The following TASOR variants were observed in gnomAD, a reference collection of about 807,000 sequenced individuals.
TASOR encodes the protein protein TASOR.
TASOR carries 53 observed loss-of-function variants against 178.6 expected under a neutral mutation model. The ratio of observed to expected loss-of-function variants is 0.30; its 90% CI spans 0.24 to 0.37. TASOR has a LOEUF of 0.37. TASOR is among the 10% of genes least tolerant of loss of function. TASOR has a pLI of 1.00. For synonymous variants in TASOR, 713 were observed against 696.2 expected, an observed-to-expected ratio of 1.02 and a Z score of -0.38; for missense variants, 1,815 against 1,971.4, an observed-to-expected ratio of 0.92 and a Z score of 1.50.
intron 14 of TASOR, among the ~76,000 whole-genome samples, chr3:56,645,199 G>A (rs72879362): frequency 1.3e-5 from 2 of 152,208 alleles, no homozygotes; most frequent in Non-Finnish European, 2.9e-5. Flanking sequence ...TTTTGAACCA[G>A]GTAGGCAGAG....
intron 1 of TASOR, among the ~76,000 whole-genome samples, chr3:56,675,603 TA>T (rs1204455015): frequency 1.3e-5 from 2 of 152,208 alleles, no homozygotes; most frequent in East Asian, 3.8e-4. Context: ...TAAAAGTCTA[TA>T]CATATATATA....
Position 56,663,488 on chromosome 3 carries a change from T to C in TASOR, c.1054+53A>G, listed in dbSNP as rs572997321. Reference sequence around the variant, plus strand: ...TAATACAAAGCACTTAATCTTTTGCTATATGTACTTATTCTTTCCATTTAT... The same window carrying C: ...TAATACAAAGCACTTAATCTTTTGCCATATGTACTTATTCTTTCCATTTAT... On this transcript the variant is annotated intron_variant, in intron 8 of 23. Transcript: ENST00000683822. The C allele has an allele frequency of 1.9e-5, 18 of 928,590 alleles. No homozygotes were observed. The African/African-American group carries it at 2.7e-4, about 14-fold the overall frequency. The allele number at this position is 928,590 out of a possible 1,614,324, so 57.5% of individuals were successfully genotyped here. A position where few individuals can be genotyped will look rare whatever the true frequency, so the allele number is the denominator to read the frequency against.
intron 3 of TASOR, 48 bp downstream of exon 3, chr3:56,671,552 A>C: frequency 7.4e-7 from 1 of 1,343,806 alleles, no homozygotes. Flanking sequence ...TTAGTAACTT[A>C]CAATGGAAAC....
chr3:56,660,864 C>A, intron 10 of TASOR, 30 bp from the exon 11 acceptor site: 1 of 1,608,882 alleles, frequency 6.2e-7, no homozygotes, highest in Non-Finnish European at 8.5e-7. Context: ...TAGTAAATAT[C>A]CAAATCAAGT....
At chr3:56,638,142 A>G (rs568619761) in intron 17 of TASOR, among the ~76,000 whole-genome samples, 1 of 152,256 alleles carries the variant, frequency 6.6e-6, no homozygotes, top group Non-Finnish European at 1.5e-5. Flanking sequence ...AAGCAGGTGG[A>G]TCACCTGAGG....
At chr3:56,645,590 TAA>T (rs796757117) in intron 14 of TASOR, among the ~76,000 whole-genome samples, 16 of 152,276 alleles carry the variant, frequency 1.1e-4, no homozygotes, top group African/African-American at 3.9e-4. Flanking sequence ...AAAATCTAGA[TAA>T]AAGTGTTTTA....
chr3:56,641,023 A>G (rs1200195156), intron 15 of TASOR, among the ~76,000 whole-genome samples: 2 of 152,180 alleles, frequency 1.3e-5, no homozygotes, highest in African/African-American at 2.4e-5. Flanking sequence ...ATGCTTTAAT[A>G]ATTCAACTTC....
At chr3:56,680,536 T>C (rs1473563551) in intron 1 of TASOR, among the ~76,000 whole-genome samples, 13 of 151,502 alleles carry the variant, frequency 8.6e-5, no homozygotes, top group Admixed American at 7.3e-4. Flanking sequence ...TCTACCATAT[T>C]AAAATATGAA....
chr3:56,635,225 G>A (rs1469689655), intron 17 of TASOR, among the ~76,000 whole-genome samples: 1 of 152,186 alleles, frequency 6.6e-6, no homozygotes. Flanking sequence ...CTATTGCAAA[G>A]GCAATTTGTC....
Position 56,658,986 on chromosome 3 carries a change from G to A in TASOR, c.1368+1745C>T, listed in dbSNP as rs189786521. Among the ~76,000 whole-genome samples the A allele has an allele frequency of 2.1e-3, 319 of 150,168 alleles. 2 individuals carry two copies. Among genetic ancestry groups the A allele is most frequent in the African/African-American group, 7.3e-3 (298 of 40,886 alleles). ...TGTGTGTGTGTGTGTGTGTGCACGC[G>A]TGTGTGTTTTAATTCTAGGACATTT... On this transcript the variant is annotated intron_variant, in intron 11 of 23. Coordinates refer to ENST00000683822, the MANE Select transcript of TASOR (RefSeq NM_001365635.2).
chr3:56,651,876 A>C (rs11130537), intron 11 of TASOR, among the ~76,000 whole-genome samples: 93,797 of 152,112 alleles, frequency 0.62, 31,545 homozygotes, highest in East Asian at 0.96. Flanking sequence ...AACATTTTCA[A>C]GCAAAAATGT....
chr3:56,662,350 T>G (rs1457336996), intron 9 of TASOR, 35 bp downstream of exon 9: 2 of 1,119,032 alleles, frequency 1.8e-6, no homozygotes, highest in South Asian at 1.4e-5. Flanking sequence ...AGTGATAAAA[T>G]TAGCAACCAC....
At chr3:56,657,849 G>A (rs1186719936) in intron 11 of TASOR, among the ~76,000 whole-genome samples, 1 of 152,172 alleles carries the variant, frequency 6.6e-6, no homozygotes, top group Non-Finnish European at 1.5e-5. Flanking sequence ...AGGATAGCAG[G>A]GAATAGCTGC....
intron 2 of TASOR, among the ~76,000 whole-genome samples, chr3:56,673,304 T>C (rs2030919608): frequency 6.6e-6 from 1 of 151,878 alleles, no homozygotes; most frequent in Non-Finnish European, 1.5e-5. Context: ...CAGTGGCACA[T>C]GACTGTAATC....
Position 56,620,501 on chromosome 3 carries a change from C to T in TASOR, c.*2536G>A, listed in dbSNP as rs1393341061. ...TTTGATTCACTATATACTCTCTGTA[C>T]TTGAGGAAGAGTAAGCTGTGTTTAA... On this transcript the variant is annotated 3_prime_UTR_variant, in exon 24 of 24. Coordinates refer to ENST00000683822, the MANE Select transcript of TASOR (RefSeq NM_001365635.2). The T allele has an allele frequency of 1.3e-5, 2 of 152,224 alleles. No homozygotes were observed. Among genetic ancestry groups the T allele is most frequent in the Non-Finnish European group, 2.9e-5 (2 of 68,074 alleles). 9.4% of individuals were successfully genotyped at this position (152,224 alleles called of 1,614,324 possible).
At position 56,632,290 on chromosome 3, in the gene TASOR, G is replaced by A. The variant is rs145481200; in HGVS notation, c.3747+754C>T. 7.1e-3 allele frequency among the ~76,000 whole-genome samples: 1,082 copies of A among 152,010 alleles called. 13 individuals are homozygous for A. Among genetic ancestry groups the A allele is most frequent in the African/African-American group, 0.025 (1,026 of 41,448 alleles). On this transcript the variant is annotated intron_variant, in intron 18 of 23. Transcript: ENST00000683822. ...GTTCCAGACCAGCCTGATCAACATG[G>A]TGAAACCCCACCTCTACTAAAAATA...
Position 56,640,029 on chromosome 3 carries a change from A to G in TASOR, c.2721T>C (p.Asn907=). The stretch of plus-strand genomic sequence containing the variant: ...TCCAATGTATTTCAGTCTCTTCAAC[A>G]TTATTTGACTTAGACTGTTGTCTAC... The part of the protein sequence containing the change: ...GFRRQQSKSN[N]VEETEIHWKL... Residue 907 remains asparagine, a synonymous_variant, in exon 16 of 24, where the codon AAT becomes AAC. Coordinates refer to ENST00000683822, the MANE Select transcript of TASOR (RefSeq NM_001365635.2). 1.9e-6 allele frequency: 3 copies of G among 1,613,010 alleles called. No homozygotes were observed. Among genetic ancestry groups the G allele is most frequent in the Non-Finnish European group, 2.5e-6 (3 of 1,179,450 alleles).
At position 56,661,326 on chromosome 3, in the gene TASOR, T is replaced by G. The variant is rs866355754; in HGVS notation, c.1161-309A>C. ...CACGCTAGGGTAATTTTGGTTTTTT[T>G]GGGTCTTTTTGTAGAGACAAGGTCT... On this transcript the variant is annotated intron_variant, in intron 9 of 23. Coordinates refer to ENST00000683822, the MANE Select transcript of TASOR (RefSeq NM_001365635.2). Among the ~76,000 whole-genome samples, 13 of 152,246 alleles carry G rather than the reference T, an allele frequency of 8.5e-5. No homozygotes were observed. In the South Asian group the frequency reaches 1.2e-3, roughly 15 times the overall value.
At chr3:56,654,403 T>TGGGGGG (rs1559838476) in intron 11 of TASOR, among the ~76,000 whole-genome samples, 1 of 127,312 alleles carries the variant, frequency 7.9e-6, no homozygotes, top group Non-Finnish European at 1.7e-5. Flanking sequence ...TGGGCGGGGT[T>TGGGGGG]GGGGGGTGGT....
Sources: allele counts gnomAD v4.1 joint callset (sites outside exome capture counted in the v4.1 genomes callset), GRCh38; gene constraint gnomAD v4.1.1; transcripts MANE v1.5; gene names NCBI Gene and HGNC (gene_info 2026-07-23, HGNC 2026-07-21).